ATG7: variants seen among roughly 807,000 people sequenced by gnomAD.
ATG7 encodes ubiquitin-like modifier-activating enzyme ATG7.
ATG7 carries 70 observed loss-of-function variants against 82.4 expected under a neutral mutation model. The observed-to-expected ratio is 0.85, with a 90% confidence interval of 0.70 to 1.04. The LOEUF is 1.04. Ranked by LOEUF, ATG7 falls within the 50% of genes least tolerant of loss-of-function variation. The pLI is 0.00. For synonymous variants in ATG7, 287 were observed against 313.0 expected, an observed-to-expected ratio of 0.92 and a Z score of 0.88; for missense variants, 792 against 864.3, an observed-to-expected ratio of 0.92 and a Z score of 1.05.
At chr3:11,382,089 A>C (rs1423046460) in intron 19 of ATG7, among the ~76,000 whole-genome samples, 2 of 152,214 alleles carry the variant, frequency 1.3e-5, no homozygotes, top group Admixed American at 1.3e-4. Context: ...ACATTCATGA[A>C]GTAATTTTTT....
intron 20 of ATG7, among the ~76,000 whole-genome samples, chr3:11,483,100 G>T (rs947873614): frequency 3.9e-5 from 6 of 151,994 alleles, no homozygotes; most frequent in African/African-American, 1.5e-4. Flanking sequence ...AGCTATTGTG[G>T]CAAAAAGAAA....
At chr3:11,308,084 A>G (rs546932571) in intron 6 of ATG7, among the ~76,000 whole-genome samples, 1 of 152,308 alleles carries the variant, frequency 6.6e-6, no homozygotes, top group Non-Finnish European at 1.5e-5. Context: ...CTTCTGCCCC[A>G]TGCCCCCTCG....
At chr3:11,507,572 G>C (rs2091802677) in intron 20 of ATG7, among the ~76,000 whole-genome samples, 1 of 152,176 alleles carries the variant, frequency 6.6e-6, no homozygotes, top group African/African-American at 2.4e-5. Flanking sequence ...CATGGACACT[G>C]CTAATAATGT....
intron 20 of ATG7, among the ~76,000 whole-genome samples, chr3:11,530,615 C>T (rs1442567765): frequency 6.6e-6 from 1 of 152,154 alleles, no homozygotes; most frequent in African/African-American, 2.4e-5. Context: ...CCTCCTGACC[C>T]CACCCTCCAG....
chr3:11,408,665 C>T (rs575881505), intron 19 of ATG7, among the ~76,000 whole-genome samples: 8 of 152,224 alleles, frequency 5.3e-5, no homozygotes, highest in African/African-American at 1.2e-4. Flanking sequence ...TGGATGGCAG[C>T]GGGCAAAGAG....
chr3:11,320,500 C>T (rs1301276428), intron 9 of ATG7, among the ~76,000 whole-genome samples: 1 of 152,164 alleles, frequency 6.6e-6, no homozygotes. Flanking sequence ...GTTGGCCGGG[C>T]CAGTCTCGTA....
At chr3:11,278,143 C>G (rs888642248) in intron 1 of ATG7, among the ~76,000 whole-genome samples, 1 of 152,104 alleles carries the variant, frequency 6.6e-6, no homozygotes, top group African/African-American at 2.4e-5. Flanking sequence ...ATTGTTTAAA[C>G]ACACATGTTT....
intron 16 of ATG7, among the ~76,000 whole-genome samples, chr3:11,362,483 G>A (rs1416973546): frequency 6.6e-6 from 1 of 152,204 alleles, no homozygotes; most frequent in Middle Eastern, 3.2e-3. Flanking sequence ...TAACTACCAA[G>A]CACAGTAGAA....
rs532407584 is a variant in ATG7, at chr3:11,438,125, C to T, written c.2079+11199C>T. On this transcript the variant is annotated intron_variant, in intron 20 of 20. Coordinates refer to ENST00000693202, the MANE Select transcript of ATG7 (RefSeq NM_001349232.2). Reference sequence around the variant, plus strand: ...TCTCTAAATGGGGAGACACAATTACCCTATTAGGCAACATGCCCCTGAGGT... The same window carrying T: ...TCTCTAAATGGGGAGACACAATTACTCTATTAGGCAACATGCCCCTGAGGT... Among the ~76,000 whole-genome samples the T allele has an allele frequency of 6.6e-5, 10 of 152,154 alleles. No homozygotes were observed. In the South Asian group the frequency reaches 2.1e-3, roughly 32 times the overall value.
rs112862176 is a variant in ATG7 at position 11,382,062 on chromosome 3, TA to T, written c.1956+2015del. On this transcript the variant is annotated intron_variant, in intron 19 of 20. Coordinates refer to ENST00000693202, the MANE Select transcript of ATG7 (RefSeq NM_001349232.2). ...AAAGATTGGGGCTAAAAATTACTTT[TA>T]AAAATTTATCCTTTGACATTCATGA... Among the ~76,000 whole-genome samples the T allele has an allele frequency of 6.2e-3, 948 of 152,378 alleles. 8 individuals are homozygous for T. Among genetic ancestry groups the T allele is most frequent in the African/African-American group, 0.021 (878 of 41,588 alleles).
rs989810060 is a variant in ATG7 at position 11,396,023 on chromosome 3, A to G, written c.1956+15971A>G. On this transcript the variant is annotated intron_variant, in intron 19 of 20. Transcript: ENST00000693202. ...AAAGGTATTTTGTATAGACAAGAAC[A>G]GAGTCCACCACTAGCATGTTTACAC... 2.6e-5 allele frequency among the ~76,000 whole-genome samples: 4 copies of G among 151,426 alleles called. No homozygotes were observed. In the East Asian group the frequency reaches 7.8e-4, roughly 29 times the overall value.
the ATG7 span, among the ~76,000 whole-genome samples, chr3:11,564,086 T>TA: frequency 7.9e-5 from 12 of 152,324 alleles, no homozygotes; most frequent in Admixed American, 7.2e-4. Context: ...AAGGACCTAT[T>TA]AGGTCGCAGT....
In ATG7 at chr3:11,557,358, A is replaced by T. The variant is rs1425763325; in HGVS notation, c.*2515A>T. 1 of 152,834 alleles carries T rather than the reference A, an allele frequency of 6.5e-6. No homozygotes were observed. Among genetic ancestry groups the T allele is most frequent in the Non-Finnish European group, 1.5e-5 (1 of 68,046 alleles). The allele number at this position is 152,834 out of a possible 1,614,324, so 9.5% of individuals were successfully genotyped here. On this transcript the variant is annotated 3_prime_UTR_variant, in exon 21 of 21. Transcript: ENST00000693202. ...ATTGTCTGTCAGTAATCTGCTGTTC[A>T]GCCAAGAGAGTTCAAAGGGAGCAGT...
chr3:11,480,394 G>A lies in ATG7; in HGVS notation c.2079+53468G>A, dbSNP rs185542419. 3.2e-3 allele frequency among the ~76,000 whole-genome samples: 492 copies of A among 152,284 alleles called. 3 individuals are homozygous for A. Among genetic ancestry groups the A allele is most frequent in the African/African-American group, 0.011 (468 of 41,570 alleles). On this transcript the variant is annotated intron_variant, in intron 20 of 20. Coordinates refer to ENST00000693202, the MANE Select transcript of ATG7 (RefSeq NM_001349232.2). ...TCTACAAAAACATTTAAGATTGGCTGGGCGTGGTTGTGCATGCCTATAGTC... is the reference window on the plus strand; with the variant it reads ...TCTACAAAAACATTTAAGATTGGCTAGGCGTGGTTGTGCATGCCTATAGTC...
At chr3:11,445,276 A>T (rs1338325250) in intron 20 of ATG7, among the ~76,000 whole-genome samples, 1 of 152,210 alleles carries the variant, frequency 6.6e-6, no homozygotes, top group Non-Finnish European at 1.5e-5. Flanking sequence ...AGCACTATTC[A>T]CAATAGCGAA....
At chr3:11,464,116 A>G (rs1157953803) in intron 20 of ATG7, among the ~76,000 whole-genome samples, 1 of 152,254 alleles carries the variant, frequency 6.6e-6, no homozygotes, top group Non-Finnish European at 1.5e-5. Flanking sequence ...TCATGCCTAT[A>G]ATCCCAGCAC....
intron 20 of ATG7, among the ~76,000 whole-genome samples, chr3:11,465,616 T>C (rs2086754425): frequency 6.6e-6 from 1 of 151,640 alleles, no homozygotes. Flanking sequence ...AAAATAAAAA[T>C]TAGCTGGGCG....
chr3:11,357,317 T>C (rs1318394703), intron 14 of ATG7, among the ~76,000 whole-genome samples: 1 of 152,200 alleles, frequency 6.6e-6, no homozygotes, highest in Admixed American at 6.5e-5. Context: ...AAGGGGCAGA[T>C]GGTAAATTAT....
chr3:11,528,092 G>C (rs1395810388), intron 20 of ATG7, among the ~76,000 whole-genome samples: 4 of 152,114 alleles, frequency 2.6e-5, no homozygotes, highest in Admixed American at 1.3e-4. Context: ...TCATGTTGGG[G>C]ACCAACATGA....
Sources: allele counts gnomAD v4.1 joint callset (sites outside exome capture counted in the v4.1 genomes callset), GRCh38; gene constraint gnomAD v4.1.1; transcripts MANE v1.5; gene names NCBI Gene and HGNC (gene_info 2026-07-23, HGNC 2026-07-21).